KCNT2: variants seen among roughly 807,000 people sequenced by gnomAD.
The protein encoded by KCNT2 is potassium channel subfamily T member 2.
A neutral mutation model predicts 153.8 loss-of-function variants in KCNT2; 67 were observed. That is an observed-to-expected ratio of 0.44 (90% CI 0.36 to 0.53). The LOEUF (loss-of-function observed/expected upper bound fraction) is 0.53, where lower values mean the gene tolerates loss of function less well. Among genes scored for constraint, KCNT2 ranks in the 20% least tolerant of loss-of-function variants. The pLI is 0.00. For synonymous variants in KCNT2, 500 were observed against 458.8 expected, an observed-to-expected ratio of 1.09 and a Z score of -1.15; for missense variants, 975 against 1,354.8, an observed-to-expected ratio of 0.72 and a Z score of 4.40.
At chr1:196,284,337 T>TA (rs1659449655) in intron 23 of KCNT2, among the ~76,000 whole-genome samples, 1 of 138,272 alleles carries the variant, frequency 7.2e-6, no homozygotes, top group Non-Finnish European at 1.6e-5. Flanking sequence ...CCTGTATCTC[T>TA]ATTTATAACA....
At chr1:196,509,622 C>A (rs970013730) in intron 1 of KCNT2, among the ~76,000 whole-genome samples, 6 of 152,122 alleles carry the variant, frequency 3.9e-5, no homozygotes, top group African/African-American at 1.4e-4. Context: ...GAAATTATTT[C>A]TGTGAGGAAG....
chr1:196,248,885 A>G (rs1655688824), intron 26 of KCNT2, among the ~76,000 whole-genome samples: 1 of 152,214 alleles, frequency 6.6e-6, no homozygotes, highest in South Asian at 2.1e-4. Context: ...AATATCTCTG[A>G]TGAACATTGA....
intron 3 of KCNT2, among the ~76,000 whole-genome samples, chr1:196,482,675 C>T (rs887177429): frequency 6.6e-6 from 1 of 151,938 alleles, no homozygotes; most frequent in Non-Finnish European, 1.5e-5. Flanking sequence ...CTGGATAATT[C>T]TACACCGAAA....
chr1:196,319,692 T>G (rs1283537459), intron 19 of KCNT2, 137 bp from the exon 20 acceptor site: 4 of 494,426 alleles, frequency 8.1e-6, no homozygotes, highest in Non-Finnish European at 1.5e-5. Flanking sequence ...AGTGCTTTTT[T>G]TTCTTAACAT....
intron 25 of KCNT2, among the ~76,000 whole-genome samples, chr1:196,274,583 T>G (rs564714613): frequency 6.6e-6 from 1 of 151,722 alleles, no homozygotes; most frequent in Non-Finnish European, 1.5e-5. Flanking sequence ...TAATAATATA[T>G]TTTAAAAGCT....
Position 196,442,775 on chromosome 1 carries a change from T to C in KCNT2, c.639-13018A>G, listed in dbSNP as rs181429301. On this transcript the variant is annotated intron_variant, in intron 8 of 27. Coordinates refer to ENST00000294725, the MANE Select transcript of KCNT2 (RefSeq NM_198503.5). ...GAATAAAAACATAGGGAGAATAGTG[T>C]TCATGTAAGAAATTCAGAACAAATT... is the stretch of plus-strand genomic sequence containing the variant. Among the ~76,000 whole-genome samples the C allele has an allele frequency of 2.8e-3, 418 of 151,712 alleles. 2 individuals carry two copies. Among genetic ancestry groups the C allele is most frequent in the Non-Finnish European group, 2.8e-3 (188 of 67,760 alleles).
At chr1:196,465,408 A>T in intron 7 of KCNT2, 21 bp from the exon 8 acceptor site, 1 of 1,439,380 alleles carries the variant, frequency 6.9e-7, no homozygotes, top group African/African-American at 1.4e-5. Context: ...ACAGAAAAAA[A>T]GTTGTAAATT....
chr1:196,241,043 GGAGA>G (rs558420409), intron 26 of KCNT2, among the ~76,000 whole-genome samples: 4 of 151,496 alleles, frequency 2.6e-5, no homozygotes, highest in Non-Finnish European at 5.9e-5. Flanking sequence ...GACAGAAATA[GGAGA>G]GAGAGAGAGA....
chr1:196,481,104 G>A (rs1486435227), intron 4 of KCNT2, among the ~76,000 whole-genome samples: 1 of 151,994 alleles, frequency 6.6e-6, no homozygotes, highest in Non-Finnish European at 1.5e-5. Context: ...AAAAGTCAGA[G>A]TAAGGAAATG....
intron 8 of KCNT2, among the ~76,000 whole-genome samples, chr1:196,431,165 C>T (rs1674117331): frequency 6.6e-6 from 1 of 152,128 alleles, no homozygotes; most frequent in African/African-American, 2.4e-5. Context: ...AACTCCCCTT[C>T]TTCTAGAACT....
chr1:196,586,472 T>C (rs553391892), intron 1 of KCNT2, among the ~76,000 whole-genome samples: 2 of 152,224 alleles, frequency 1.3e-5, no homozygotes, highest in South Asian at 2.1e-4. Flanking sequence ...CACTAGTCAA[T>C]TGATAATCTA....
chr1:196,299,073 A>T (rs1257678788), intron 22 of KCNT2, among the ~76,000 whole-genome samples: 1 of 152,038 alleles, frequency 6.6e-6, no homozygotes, highest in African/African-American at 2.4e-5. Context: ...TTGTGCACAG[A>T]TACACACATT....
intron 13 of KCNT2, among the ~76,000 whole-genome samples, chr1:196,380,903 C>T (rs945714532): frequency 5.3e-5 from 8 of 152,082 alleles, no homozygotes; most frequent in South Asian, 2.1e-4. Flanking sequence ...TGTGTGCATG[C>T]GTGCGCGTGC....
chr1:196,242,836 C>T (rs1177236385), intron 26 of KCNT2, among the ~76,000 whole-genome samples: 1 of 152,134 alleles, frequency 6.6e-6, no homozygotes, highest in Non-Finnish European at 1.5e-5. Context: ...CTATAAGTTA[C>T]TGTAAACTTC....
intron 1 of KCNT2, among the ~76,000 whole-genome samples, chr1:196,587,430 C>T (rs764561831): frequency 2.0e-5 from 3 of 151,854 alleles, no homozygotes; most frequent in Non-Finnish European, 4.4e-5. Context: ...CTCAACAGCT[C>T]TAATATAGTG....
intron 14 of KCNT2, among the ~76,000 whole-genome samples, chr1:196,354,117 ATTTTCATAT>A (rs1298876701): frequency 6.6e-6 from 1 of 151,650 alleles, no homozygotes; most frequent in Non-Finnish European, 1.5e-5. Context: ...ATTTTTTTTA[ATTTTCATAT>A]TTTCTTTATG....
At chr1:196,510,207 G>T (rs1463848506) in intron 1 of KCNT2, among the ~76,000 whole-genome samples, 1 of 152,118 alleles carries the variant, frequency 6.6e-6, no homozygotes, top group African/African-American at 2.4e-5. Flanking sequence ...TAAGTTAAAA[G>T]AACTTGAATA....
intron 25 of KCNT2, among the ~76,000 whole-genome samples, chr1:196,267,166 A>G (rs1222176768): frequency 1.3e-5 from 2 of 152,234 alleles, no homozygotes; most frequent in Non-Finnish European, 2.9e-5. Context: ...GTGGGAAAAT[A>G]GGTATGACAT....
At chr1:196,334,905 T>A (rs186990563) in intron 16 of KCNT2, among the ~76,000 whole-genome samples, 1 of 152,060 alleles carries the variant, frequency 6.6e-6, no homozygotes, top group African/African-American at 2.4e-5. Context: ...TGAAATACAA[T>A]AAGGAGCACA....
Sources: gnomAD v4.1 joint callset for allele counts (sites outside exome capture counted in the v4.1 genomes callset) on GRCh38, gnomAD v4.1.1 for gene constraint, MANE v1.5 for transcripts, NCBI Gene and HGNC (gene_info 2026-07-23, HGNC 2026-07-21) for gene names.